PCLO: variants seen among roughly 807,000 people sequenced by gnomAD.
PCLO encodes piccolo presynaptic cytomatrix protein, also known as protein piccolo.
In PCLO, 82 loss-of-function variants were observed where a neutral mutation model predicts 427.5. The observed-to-expected ratio is 0.19, with a 90% confidence interval of 0.16 to 0.23. The LOEUF (loss-of-function observed/expected upper bound fraction) is 0.23. Ranked by LOEUF, PCLO falls within the 10% of genes least tolerant of loss-of-function variation. PCLO has a pLI of 1.00. For synonymous variants in PCLO, 2,357 were observed against 2,155.4 expected (o/e 1.09, Z -2.59); for missense variants, 6,239 against 6,115.9 (o/e 1.02, Z -0.67).
At chr7:83,125,003 G>A (rs1454759624) in intron 3 of PCLO, among the ~76,000 whole-genome samples, 9 of 152,286 alleles carry the variant, frequency 5.9e-5, no homozygotes, top group African/African-American at 1.4e-4. Context: ...TGATCTGCCC[G>A]CCTTGGCCTC....
At chr7:82,861,646 T>C (rs12707527) in intron 10 of PCLO, among the ~76,000 whole-genome samples, 26,136 of 151,986 alleles carry the variant, frequency 0.17, 2,614 homozygotes, top group Middle Eastern at 0.22. Context: ...TAGATATTTA[T>C]AGAACATTTC....
intron 3 of PCLO, among the ~76,000 whole-genome samples, chr7:83,069,081 G>A (rs1317439973): frequency 1.3e-5 from 2 of 152,146 alleles, no homozygotes; most frequent in Non-Finnish European, 2.9e-5. Context: ...GGGAGATTTT[G>A]ATCAAATGGC....
intron 10 of PCLO, among the ~76,000 whole-genome samples, chr7:82,849,468 C>T (rs762926355): frequency 6.6e-5 from 10 of 152,064 alleles, no homozygotes; most frequent in Non-Finnish European, 1.0e-4. Context: ...TTGCTTGTTG[C>T]CTACAGTGAG....
intron 3 of PCLO, among the ~76,000 whole-genome samples, chr7:83,126,383 A>G (rs1461966899): frequency 1.3e-5 from 2 of 152,154 alleles, no homozygotes; most frequent in African/African-American, 4.8e-5. Flanking sequence ...TGACATTGGA[A>G]TGTTCCTAAC....
intron 9 of PCLO, among the ~76,000 whole-genome samples, chr7:82,891,292 AG>A (rs2116120499): frequency 6.6e-6 from 1 of 152,254 alleles, no homozygotes; most frequent in African/African-American, 2.4e-5. Context: ...AATTTTAGGT[AG>A]AAAAACTTTA....
chr7:82,900,158 T>C (rs1241120110), intron 9 of PCLO, among the ~76,000 whole-genome samples: 1 of 151,554 alleles, frequency 6.6e-6, no homozygotes, highest in Non-Finnish European at 1.5e-5. Context: ...AGAAGAAAAG[T>C]TACCTACTCT....
chr7:82,783,611 G>C (rs1790922501), intron 22 of PCLO, among the ~76,000 whole-genome samples: 1 of 151,926 alleles, frequency 6.6e-6, no homozygotes, highest in Non-Finnish European at 1.5e-5. Context: ...GATAGAGCGA[G>C]ACTCGGTCTC....
intron 3 of PCLO, among the ~76,000 whole-genome samples, chr7:83,021,182 C>T (rs559800543): frequency 6.6e-6 from 1 of 152,248 alleles, no homozygotes; most frequent in African/African-American, 2.4e-5. Context: ...ATCCTAAAAA[C>T]TTCAGCCCAG....
intron 6 of PCLO, among the ~76,000 whole-genome samples, chr7:82,918,053 T>C (rs1323208181): frequency 6.6e-6 from 1 of 152,004 alleles, no homozygotes; most frequent in African/African-American, 2.4e-5. Flanking sequence ...AACAAAATCC[T>C]AAAGGTTTAT....
chr7:82,855,232 T>C (rs1792771525), intron 10 of PCLO, among the ~76,000 whole-genome samples: 1 of 152,168 alleles, frequency 6.6e-6, no homozygotes, highest in Admixed American at 6.6e-5. Flanking sequence ...GCTAATGTTA[T>C]ATAGTAAGCA....
At chr7:83,110,176 A>G (rs1326765533) in intron 3 of PCLO, among the ~76,000 whole-genome samples, 7 of 151,562 alleles carry the variant, frequency 4.6e-5, no homozygotes, top group East Asian at 1.9e-4. Flanking sequence ...AGGCCTTTAC[A>G]GTGTTTAAAA....
At chr7:82,871,917 A>C (rs909865648) in intron 10 of PCLO, among the ~76,000 whole-genome samples, 8 of 152,116 alleles carry the variant, frequency 5.3e-5, no homozygotes, top group Middle Eastern at 3.4e-3. Context: ...GGAAAAAAAA[A>C]CTAAAATATG....
chr7:83,065,898 G>A (rs1022373318), intron 3 of PCLO, among the ~76,000 whole-genome samples: 5 of 151,986 alleles, frequency 3.3e-5, no homozygotes, highest in African/African-American at 4.8e-5. Context: ...GGGAACAAAC[G>A]TTAATTTGAT....
intron 3 of PCLO, among the ~76,000 whole-genome samples, chr7:83,086,274 C>A (rs752605412): frequency 6.6e-6 from 1 of 152,054 alleles, no homozygotes; most frequent in African/African-American, 2.4e-5. Flanking sequence ...CCACGCCCAG[C>A]TAATTTTTGT....
intron 24 of PCLO, among the ~76,000 whole-genome samples, chr7:82,759,363 T>C (rs911286686): frequency 1.3e-5 from 2 of 151,926 alleles, no homozygotes; most frequent in Non-Finnish European, 2.9e-5. Context: ...GTTATATAAT[T>C]TACCCTTATT....
At position 83,144,592 on chromosome 7, in the gene PCLO, T is replaced by TA. The variant is rs975092151; in HGVS notation, c.1894-8937dup. Among the ~76,000 whole-genome samples the TA allele has an allele frequency of 1.4e-4, 22 of 152,114 alleles. No individual in the cohort carries two copies. The East Asian group carries it at 1.9e-3, about 13-fold the overall frequency. On this transcript the variant is annotated intron_variant, in intron 2 of 24. Transcript: ENST00000333891. ...ATGTATAACCACTTAACAGTATATT[T>TA]AAAAAAAATCTCATTTTAAAATTAT...
At chr7:82,825,859 TA>T (rs1481816929) in intron 18 of PCLO, among the ~76,000 whole-genome samples, 5 of 148,304 alleles carry the variant, frequency 3.4e-5, no homozygotes, top group Non-Finnish European at 7.4e-5. Context: ...TGTGTATATA[TA>T]TACACAATGT....
At position 83,115,968 on chromosome 7, in the gene PCLO, A is replaced by G. The variant is rs564210744; in HGVS notation, c.3300+18282T>C. Among the ~76,000 whole-genome samples the G allele has an allele frequency of 3.9e-5, 6 of 152,040 alleles. No homozygotes were observed. In the South Asian group the frequency reaches 1.2e-3, roughly 31 times the overall value. ...AAGCACACATATATAATACTCTCAC[A>G]TGCACACACACACACACGCACACAT... On this transcript the variant is annotated intron_variant, in intron 3 of 24. Transcript: ENST00000333891.
intron 10 of PCLO, among the ~76,000 whole-genome samples, chr7:82,850,340 T>G (rs1406347602): frequency 6.6e-6 from 1 of 152,088 alleles, no homozygotes; most frequent in Non-Finnish European, 1.5e-5. Flanking sequence ...ATTAAGACAG[T>G]CTGGAGTTTT....
Sources: allele counts gnomAD v4.1 joint callset (sites outside exome capture counted in the v4.1 genomes callset), GRCh38; gene constraint gnomAD v4.1.1; transcripts MANE v1.5; gene names NCBI Gene and HGNC (gene_info 2026-07-23, HGNC 2026-07-21).